PCDH15: variants seen among roughly 807,000 people sequenced by gnomAD.
The protein encoded by PCDH15 is protocadherin related 15, also known as protocadherin-15.
A neutral mutation model predicts 178.5 loss-of-function variants in PCDH15; 129 were observed. The observed-to-expected ratio is 0.72, with a 90% confidence interval of 0.63 to 0.84. The LOEUF (loss-of-function observed/expected upper bound fraction) is 0.84. PCDH15 is among the 40% of genes least tolerant of loss of function. The pLI is 0.00. For synonymous variants in PCDH15, 800 were observed against 732.0 expected (o/e 1.09, Z -1.50); for missense variants, 2,230 against 2,099.9 (o/e 1.06, Z -1.21).
chr10:55,436,906 A>G (rs1839054358), intron 2 of PCDH15, among the ~76,000 whole-genome samples: 2 of 152,168 alleles, frequency 1.3e-5, no homozygotes, highest in Admixed American at 1.3e-4. Context: ...AAAACTTCAT[A>G]AAGGGTTATC....
chr10:54,769,226 A>C (rs1026898338), intron 1 of PCDH15, among the ~76,000 whole-genome samples: 2 of 152,072 alleles, frequency 1.3e-5, no homozygotes, highest in Non-Finnish European at 2.9e-5. Context: ...ACAGCCATAG[A>C]TAAAGTTAAC....
At chr10:55,013,839 T>C (rs1468650095) in intron 2 of PCDH15, among the ~76,000 whole-genome samples, 5 of 152,082 alleles carry the variant, frequency 3.3e-5, no homozygotes, top group Non-Finnish European at 7.4e-5. Flanking sequence ...AATATGCAAA[T>C]GAATAAGAAA....
intron 17 of PCDH15, among the ~76,000 whole-genome samples, chr10:54,067,105 A>G (rs760305102): frequency 6.6e-6 from 1 of 152,222 alleles, no homozygotes; most frequent in Non-Finnish European, 1.5e-5. Context: ...GCAAATGATG[A>G]TATTAAAGGG....
rs546540094 is a variant in PCDH15, at chr10:55,092,925, T to C, written c.-80+73651A>G. Reference sequence around the variant, plus strand: ...GCAGATGTTACTCATTTTTAATACATATATCTGAACATGGATTAATATAAA... The same window carrying C: ...GCAGATGTTACTCATTTTTAATACACATATCTGAACATGGATTAATATAAA... On this transcript the variant is annotated intron_variant, in intron 2 of 5. Transcript: ENST00000458638. Among the ~76,000 whole-genome samples, 4 of 152,130 alleles carry C rather than the reference T, an allele frequency of 2.6e-5. No individual in the cohort carries two copies. The South Asian group carries it at 8.3e-4, about 32-fold the overall frequency.
At chr10:54,360,439 T>C (rs1945823640) in intron 5 of PCDH15, among the ~76,000 whole-genome samples, 1 of 152,060 alleles carries the variant, frequency 6.6e-6, no homozygotes, top group African/African-American at 2.4e-5. Flanking sequence ...TGGCTTTCTG[T>C]GTGGTGAGCG....
At chr10:54,817,824 T>C (rs1952973159) in intron 3 of PCDH15, among the ~76,000 whole-genome samples, 2 of 152,054 alleles carry the variant, frequency 1.3e-5, no homozygotes, top group Admixed American at 1.3e-4. Context: ...ATCTGAAAGT[T>C]ATTTTCATTT....
chr10:54,507,941 A>T (rs1479096395), intron 3 of PCDH15, among the ~76,000 whole-genome samples: 2 of 151,974 alleles, frequency 1.3e-5, no homozygotes, highest in African/African-American at 4.8e-5. Flanking sequence ...CTTAGTACTG[A>T]GAGTAATGGT....
intron 3 of PCDH15, among the ~76,000 whole-genome samples, chr10:54,487,811 TA>T (rs2079225555): frequency 2.0e-5 from 3 of 152,018 alleles, no homozygotes; most frequent in Non-Finnish European, 2.9e-5. Flanking sequence ...TTTTGTAGGC[TA>T]AACCCAGATA....
At chr10:53,911,933 C>A (rs186065794) in intron 25 of PCDH15, among the ~76,000 whole-genome samples, 304 of 152,266 alleles carry the variant, frequency 2.0e-3, no homozygotes, top group African/African-American at 6.9e-3. Context: ...GGAATCCTCC[C>A]TAACTCATTT....
At chr10:54,197,885 T>G (rs2049834165) in intron 10 of PCDH15, among the ~76,000 whole-genome samples, 1 of 152,188 alleles carries the variant, frequency 6.6e-6, no homozygotes, top group Admixed American at 6.5e-5. Flanking sequence ...AGGGAGGTAA[T>G]GTCATATAAT....
At chr10:53,956,631 G>A (rs970468161) in intron 23 of PCDH15, among the ~76,000 whole-genome samples, 5 of 152,216 alleles carry the variant, frequency 3.3e-5, no homozygotes, top group Admixed American at 3.3e-4. Context: ...ATCTCTGGGA[G>A]TTATGTGTGT....
chr10:55,583,212 T>G (rs1316650253), intron 2 of PCDH15, among the ~76,000 whole-genome samples: 1 of 152,158 alleles, frequency 6.6e-6, no homozygotes, highest in Non-Finnish European at 1.5e-5. Flanking sequence ...AACTAATGAG[T>G]ACAATGGGCA....
At chr10:54,596,800 C>T (rs1290342887) in intron 2 of PCDH15, among the ~76,000 whole-genome samples, 5 of 151,942 alleles carry the variant, frequency 3.3e-5, no homozygotes, top group Admixed American at 3.3e-4. Context: ...TATTGCAATC[C>T]TAATTTCAGA....
intron 2 of PCDH15, among the ~76,000 whole-genome samples, chr10:54,635,975 C>A (rs1316630019): frequency 6.6e-6 from 1 of 151,026 alleles, no homozygotes; most frequent in African/African-American, 2.4e-5. Context: ...TGACTAACCT[C>A]TCTCAAAAAA....
At chr10:54,987,433 A>T (rs1286199360) in intron 2 of PCDH15, among the ~76,000 whole-genome samples, 2 of 152,178 alleles carry the variant, frequency 1.3e-5, no homozygotes, top group African/African-American at 4.8e-5. Flanking sequence ...TCCTTGAGGA[A>T]TCACCACACT....
chr10:55,608,431 C>G (rs575180186), intron 2 of PCDH15, among the ~76,000 whole-genome samples: 1 of 151,580 alleles, frequency 6.6e-6, no homozygotes, highest in South Asian at 2.1e-4. Flanking sequence ...AACACATTTT[C>G]TGTACTTCAT....
intron 3 of PCDH15, among the ~76,000 whole-genome samples, chr10:54,434,108 A>G (rs886146055): frequency 1.3e-5 from 2 of 152,206 alleles, no homozygotes; most frequent in Non-Finnish European, 2.9e-5. Flanking sequence ...AACTTATAGA[A>G]CAAGGATATA....
chr10:55,138,423 A>G (rs1838261898), intron 2 of PCDH15, among the ~76,000 whole-genome samples: 1 of 152,118 alleles, frequency 6.6e-6, no homozygotes, highest in Non-Finnish European at 1.5e-5. Flanking sequence ...CTAATAGAGT[A>G]TTCTTGAAGT....
intron 3 of PCDH15, among the ~76,000 whole-genome samples, chr10:54,857,416 C>T (rs145210207): frequency 0.011 from 1,642 of 152,118 alleles, 52 homozygotes; most frequent in East Asian, 0.044. Flanking sequence ...AGTGATTCCT[C>T]ACAACATATT....
Sources: allele counts gnomAD v4.1 joint callset (sites outside exome capture counted in the v4.1 genomes callset), GRCh38; gene constraint gnomAD v4.1.1; transcripts MANE v1.5; gene names NCBI Gene and HGNC (gene_info 2026-07-23, HGNC 2026-07-21).